The following PYGB variants were observed in gnomAD, a reference collection of about 807,000 sequenced individuals.
The protein encoded by PYGB is glycogen phosphorylase B.
Under a neutral mutation model 94.3 loss-of-function variants are expected in PYGB, and 82 were observed. The observed-to-expected ratio is 0.87, with a 90% confidence interval of 0.73 to 1.04. PYGB has a LOEUF of 1.04. PYGB is among the 50% of genes least tolerant of loss of function. PYGB has a pLI of 0.00. For synonymous variants in PYGB, 488 were observed against 479.1 expected (o/e 1.02, Z -0.24); for missense variants, 1,132 against 1,158.2 (o/e 0.98, Z 0.33).
At position 25,283,956 on chromosome 20, in the gene PYGB, G is replaced by A. The variant is rs879194194; in HGVS notation, c.1621-148G>A. On this transcript the variant is annotated intron_variant, in intron 13 of 19. Coordinates refer to ENST00000216962, the MANE Select transcript of PYGB (RefSeq NM_002862.4). ...CCCTTTTCCCATGAGAAGACCCCTG[G>A]TGCAATCTCTGCCCCTCAGCTCCAG... 137 of 875,608 alleles carry A rather than the reference G, an allele frequency of 1.6e-4. No homozygotes were observed. The South Asian group carries it at 2.2e-3, about 14-fold the overall frequency. The allele number at this position is 875,608 out of a possible 1,614,324, so 54.2% of individuals were successfully genotyped here.
Position 25,252,929 on chromosome 20 carries a change from C to T in PYGB, c.243+4508C>T, listed in dbSNP as rs375990306. Among the ~76,000 whole-genome samples, 122 of 152,348 alleles carry T rather than the reference C, an allele frequency of 8.0e-4. No homozygotes were observed. In the East Asian group the frequency reaches 0.01, roughly 13 times the overall value. On this transcript the variant is annotated intron_variant, in intron 1 of 19. Coordinates refer to ENST00000216962, the MANE Select transcript of PYGB (RefSeq NM_002862.4). Reference sequence around the variant, plus strand: ...CTCTAATTAGAGCTGGTTCCCCTGGCAGCCAGCCTCTGCCCTGAGGGGCTT... The same window carrying T: ...CTCTAATTAGAGCTGGTTCCCCTGGTAGCCAGCCTCTGCCCTGAGGGGCTT...
At chr20:25,288,768 T>C (rs2088440796) in intron 15 of PYGB, among the ~76,000 whole-genome samples, 1 of 152,066 alleles carries the variant, frequency 6.6e-6, no homozygotes, top group East Asian at 1.9e-4. Context: ...TCCTTTCTCT[T>C]TGTGCCCAGT....
At chr20:25,288,790 G>A (rs751341163) in intron 15 of PYGB, among the ~76,000 whole-genome samples, 6 of 152,308 alleles carry the variant, frequency 3.9e-5, no homozygotes, top group Middle Eastern at 3.4e-3. Context: ...GGCACAGGGC[G>A]TTGTGGCTGC....
intron 1 of PYGB, among the ~76,000 whole-genome samples, chr20:25,254,001 G>A (rs2092895792): frequency 6.6e-6 from 1 of 151,800 alleles, no homozygotes; most frequent in Admixed American, 6.6e-5. Flanking sequence ...GAACCTGGGA[G>A]GAGCAGGTTG....
intron 1 of PYGB, among the ~76,000 whole-genome samples, chr20:25,258,072 A>G (rs2092906112): frequency 2.0e-5 from 3 of 152,240 alleles, no homozygotes; most frequent in Admixed American, 2.0e-4. Context: ...TTATACAGTA[A>G]TGTAGAAGCC....
At chr20:25,266,571 T>C (rs1240836991) in intron 2 of PYGB, among the ~76,000 whole-genome samples, 2 of 152,176 alleles carry the variant, frequency 1.3e-5, no homozygotes, top group East Asian at 1.9e-4. Flanking sequence ...TTAAAAACTT[T>C]TGTGCATTAA....
intron 17 of PYGB, chr20:25,293,764 G>C: frequency 3.5e-6 from 1 of 287,806 alleles, no homozygotes; most frequent in South Asian, 3.2e-5. Context: ...TCCCAGCCAA[G>C]GTGCTCCATT....
intron 11 of PYGB, 84 bp downstream of exon 11, chr20:25,281,196 C>T: frequency 6.5e-7 from 1 of 1,527,734 alleles, no homozygotes; most frequent in South Asian, 1.2e-5. Context: ...ACACATGGAC[C>T]CAGCTATATA....
intron 4 of PYGB, 66 bp downstream of exon 4, chr20:25,271,552 G>A (rs2088268839): frequency 6.5e-7 from 1 of 1,533,514 alleles, no homozygotes; most frequent in Admixed American, 1.7e-5. Context: ...GGCAGCACTT[G>A]CAGTTTGTCT....
chr20:25,288,966 A>G (rs2088442586), intron 15 of PYGB, among the ~76,000 whole-genome samples: 1 of 152,132 alleles, frequency 6.6e-6, no homozygotes, highest in Non-Finnish European at 1.5e-5. Context: ...ATGTTTCCCT[A>G]GTAGCTTGGT....
In PYGB at chr20:25,297,236, G is replaced by C. The variant is rs1675969344; in HGVS notation, c.*714G>C. 1 of 152,294 alleles carries C rather than the reference G, an allele frequency of 6.6e-6. No homozygotes were observed. Among genetic ancestry groups the C allele is most frequent in the Admixed American group, 6.5e-5 (1 of 15,286 alleles). 9.4% of individuals were successfully genotyped at this position (152,294 alleles called of 1,614,324 possible). Reference sequence around the variant, plus strand: ...TGTGTCTGCTGTCTCAGAGGCCTTGGTCAGGATGAAGTTGGCTGACACAGC... The same window carrying C: ...TGTGTCTGCTGTCTCAGAGGCCTTGCTCAGGATGAAGTTGGCTGACACAGC... On this transcript the variant is annotated 3_prime_UTR_variant, in exon 20 of 20. Transcript: ENST00000216962.
chr20:25,290,370 A>G lies in PYGB; in HGVS notation c.1828-111A>G. On this transcript the variant is annotated intron_variant, in intron 15 of 19. Coordinates refer to ENST00000216962, the MANE Select transcript of PYGB (RefSeq NM_002862.4). ...CTCCTCTACTGACCGTCCCGACGGC[A>G]GGTTCCTGTGGCTCTAGCCTCACCC... 3 of 1,386,038 alleles carry G rather than the reference A, an allele frequency of 2.2e-6. No homozygotes were observed. In the Admixed American group the frequency reaches 5.5e-5, roughly 26 times the overall value. 85.9% of individuals were successfully genotyped at this position (1,386,038 alleles called of 1,614,324 possible).
intron 16 of PYGB, among the ~76,000 whole-genome samples, chr20:25,291,981 C>G (rs746580692): frequency 1.3e-5 from 2 of 152,212 alleles, no homozygotes; most frequent in African/African-American, 4.8e-5. Context: ...GCCGCTCCAG[C>G]CTTCTGGCTC....
At chr20:25,279,345 A>C (rs2088344932) in intron 9 of PYGB, among the ~76,000 whole-genome samples, 196 bp downstream of exon 9, 1 of 152,050 alleles carries the variant, frequency 6.6e-6, no homozygotes, top group Non-Finnish European at 1.5e-5. Context: ...GTATGGGGTC[A>C]GGGCGCGGGG....
rs773659331 is a variant in PYGB, at chr20:25,280,977, T to G, written c.1268T>G (p.Val423Gly). The change falls in exon 11 of 20, where the codon GTG becomes GGG. Residue 423 changes from valine (V) to glycine (G), a missense_variant. Coordinates refer to ENST00000216962, the MANE Select transcript of PYGB (RefSeq NM_002862.4). ...GTGGCCGCGCTGTTTCCCGGCGATG[T>G]GGACCGCCTGCGCAGGATGTCTGTG... ...DHVAALFPGD[V>G]DRLRRMSVIE... 1.7e-5 allele frequency: 27 copies of G among 1,614,044 alleles called. 1 individual carries two copies. The South Asian group carries it at 3.0e-4, about 18-fold the overall frequency.
chr20:25,265,005 C>T (rs1306006830), intron 2 of PYGB, among the ~76,000 whole-genome samples: 2 of 152,234 alleles, frequency 1.3e-5, no homozygotes, highest in African/African-American at 4.8e-5. Context: ...CTGGAGGCAT[C>T]ATGCTACCTG....
At chr20:25,287,247 G>A (rs1205735629) in intron 14 of PYGB, among the ~76,000 whole-genome samples, 1 of 152,244 alleles carries the variant, frequency 6.6e-6, no homozygotes, top group Non-Finnish European at 1.5e-5. Context: ...GTGAGGCAGA[G>A]GGGAGACACA....
intron 3 of PYGB, 64 bp downstream of exon 3, chr20:25,269,271 G>A: frequency 1.4e-6 from 2 of 1,384,846 alleles, no homozygotes; most frequent in Non-Finnish European, 2.0e-6. Flanking sequence ...GCCACGTGGT[G>A]AGGCCAGGGT....
In PYGB at chr20:25,296,668, G is replaced by C; in HGVS notation, c.*146G>C. ...CAGGAGGGGCCATGGGGGTCAGGGT[G>C]GTTTTGAGAGAGCAGGGTAAGGAAG... On this transcript the variant is annotated 3_prime_UTR_variant, in exon 20 of 20. Coordinates refer to ENST00000216962, the MANE Select transcript of PYGB (RefSeq NM_002862.4). 1 of 1,086,722 alleles carries C rather than the reference G, an allele frequency of 9.2e-7. No individual in the cohort carries two copies. The highest frequency in any genetic ancestry group is 1.3e-6 in the Non-Finnish European group (1 of 778,736). 67.3% of individuals were successfully genotyped at this position (1,086,722 alleles called of 1,614,324 possible). A position where few individuals can be genotyped will look rare whatever the true frequency, so the allele number is the denominator to read the frequency against.
Sources: allele counts gnomAD v4.1 joint callset (sites outside exome capture counted in the v4.1 genomes callset), GRCh38; gene constraint gnomAD v4.1.1; transcripts MANE v1.5; gene names NCBI Gene and HGNC (gene_info 2026-07-23, HGNC 2026-07-21).